GPR179: variants seen among roughly 807,000 people sequenced by gnomAD.
GPR179 encodes probable G protein-coupled receptor 179.
Under a neutral mutation model 70.8 loss-of-function variants are expected in GPR179, and 52 were observed. The ratio of observed to expected loss-of-function variants is 0.73; its 90% CI spans 0.59 to 0.93. The LOEUF (loss-of-function observed/expected upper bound fraction) is 0.93, where lower values mean the gene tolerates loss of function less well. GPR179 is among the 40% of genes least tolerant of loss of function. The pLI is 0.00. For synonymous variants in GPR179, 1,123 were observed against 1,169.0 expected, an observed-to-expected ratio of 0.96 and a Z score of 0.80; for missense variants, 2,734 against 2,966.8, an observed-to-expected ratio of 0.92 and a Z score of 1.82.
chr17:38,337,351 G>A, intron 3 of GPR179, 138 bp from the exon 4 acceptor site: 5 of 1,266,144 alleles, frequency 3.9e-6, no homozygotes, highest in Middle Eastern at 2.2e-4. Context: ...GGGAATGGGT[G>A]CTTCCTTGGG....
chr17:38,334,066 T>C lies in GPR179; in HGVS notation c.1785-28A>G, dbSNP rs745384391. ...GGGGCGGGATAGGGGCGCAGGTCAT[T>C]ACTGCAGGCAGGAGTTGCCTCTTCT... On this transcript the variant is annotated intron_variant, in intron 8 of 10. Coordinates refer to ENST00000616987, the MANE Select transcript of GPR179 (RefSeq NM_001004334.4). The surrounding 1 kb of genome is among the most constrained non-coding windows in gnomAD (Gnocchi z 4.7). The C allele has an allele frequency of 8.0e-6, 12 of 1,499,656 alleles. No individual in the cohort carries two copies. In the South Asian group the frequency reaches 1.4e-4, roughly 17 times the overall value. 92.9% of individuals were successfully genotyped at this position (1,499,656 alleles called of 1,614,324 possible).
At chr17:38,331,797 A>T (rs2037363175) in intron 10 of GPR179, among the ~76,000 whole-genome samples, 1 of 152,128 alleles carries the variant, frequency 6.6e-6, no homozygotes, top group African/African-American at 2.4e-5. Context: ...GTGGGAAGTT[A>T]GTAGCTTGGG....
Position 38,343,061 on chromosome 17 carries a change from A to C in GPR179, c.729T>G (p.Pro243=). ...FLECQEGRLR[P]GWLITLSATF... ...TGGCAGAGAGTGTGATCAGCCATCC[A>C]GGTCGGAGCCGTCCCTCCTGGCATT... The change falls in exon 1 of 11, where the codon CCT becomes CCG. Residue 243 remains proline, a synonymous_variant. Coordinates refer to ENST00000616987, the MANE Select transcript of GPR179 (RefSeq NM_001004334.4). This position sits in a 1 kb window ranked among gnomAD's most constrained non-coding sequence, Gnocchi z 4.2. The C allele has an allele frequency of 6.2e-7, 1 of 1,614,026 alleles. No homozygotes were observed. Among genetic ancestry groups the C allele is most frequent in the Non-Finnish European group, 8.5e-7 (1 of 1,179,920 alleles).
Position 38,334,099 on chromosome 17 carries a change from C to G in GPR179, c.1785-61G>C, listed in dbSNP as rs2037382932. ...GCAGGAGTTGCCTCTTCTGCTTTGC[C>G]TTCTCACTGGCGTTTCACCTCAGCC... On this transcript the variant is annotated intron_variant, in intron 8 of 10. Transcript: ENST00000616987. The surrounding 1 kb of genome is among the most constrained non-coding windows in gnomAD (Gnocchi z 4.7). 5.8e-6 allele frequency: 7 copies of G among 1,207,226 alleles called. No individual in the cohort carries two copies. In the South Asian group the frequency reaches 7.3e-5, roughly 13 times the overall value. 74.8% of individuals were successfully genotyped at this position (1,207,226 alleles called of 1,614,324 possible).
chr17:38,340,470 C>T (rs988314844), intron 1 of GPR179, among the ~76,000 whole-genome samples: 14 of 152,140 alleles, frequency 9.2e-5, no homozygotes, highest in Admixed American at 2.0e-4. Context: ...TTAGTGGAGA[C>T]GAGCTTTGGT....
Position 38,334,927 on chromosome 17 carries a change from C to G in GPR179, c.1646-85G>C. The G allele has an allele frequency of 6.3e-7, 1 of 1,595,692 alleles. No individual in the cohort carries two copies. Among genetic ancestry groups the G allele is most frequent in the Non-Finnish European group, 8.6e-7 (1 of 1,167,204 alleles). Reference sequence around the variant, plus strand: ...CTCTGAAAGATGTGCTGGGGGGAGCCTGGGCTCGGGGTCTGGGGACAAGTC... The same window carrying G: ...CTCTGAAAGATGTGCTGGGGGGAGCGTGGGCTCGGGGTCTGGGGACAAGTC... On this transcript the variant is annotated intron_variant, in intron 7 of 10. Coordinates refer to ENST00000616987, the MANE Select transcript of GPR179 (RefSeq NM_001004334.4). The surrounding 1 kb of genome is among the most constrained non-coding windows in gnomAD (Gnocchi z 4.7).
chr17:38,332,231 T>G (rs554212095), intron 10 of GPR179, among the ~76,000 whole-genome samples: 1 of 152,196 alleles, frequency 6.6e-6, no homozygotes, highest in South Asian at 2.1e-4. Flanking sequence ...GACTCTGCTT[T>G]GTGGGCCTGT....
At position 38,329,864 on chromosome 17, in the gene GPR179, G is replaced by A. The variant is rs765774186; in HGVS notation, c.3705C>T (p.Ser1235=). ...LPKAGLQSLG[S]ADHRVAEVCP... is the part of the protein sequence containing the mutation. The stretch of plus-strand genomic sequence containing the variant: ...ATACCTCTGCCACCCTGTGGTCAGC[G>A]CTGCCCAGGGACTGGAGGCCAGCTT... Residue 1235 remains serine, a synonymous_variant, in exon 11 of 11, where the codon AGC becomes AGT. Coordinates refer to ENST00000616987, the MANE Select transcript of GPR179 (RefSeq NM_001004334.4). 1.7e-5 allele frequency: 28 copies of A among 1,614,124 alleles called. No individual in the cohort carries two copies. In the South Asian group the frequency reaches 2.1e-4, roughly 12 times the overall value.
intron 2 of GPR179, 67 bp from the exon 3 acceptor site, chr17:38,337,787 G>C: frequency 2.2e-6 from 3 of 1,383,208 alleles, no homozygotes; most frequent in Non-Finnish European, 3.1e-6. Context: ...TCCCTCCTGG[G>C]AGAGATGGAG....
Position 38,343,359 on chromosome 17 carries a change from A to G in GPR179, c.431T>C (p.Val144Ala), listed in dbSNP as rs745542691. 2.1e-5 allele frequency: 34 copies of G among 1,613,786 alleles called. No homozygotes were observed. Among genetic ancestry groups the G allele is most frequent in the Non-Finnish European group, 2.9e-5 (34 of 1,179,954 alleles). Residue 144 changes from valine to alanine, a missense_variant, in exon 1 of 11, where the codon GTG (valine) becomes GCG (alanine). Val to Ala is a moderately conservative substitution (Grantham distance 64, BLOSUM62 0). Transcript: ENST00000616987. This position sits in a 1 kb window ranked among gnomAD's most constrained non-coding sequence, Gnocchi z 4.2. ...VRSVAEGDPR[V>A]YRALLTFNPP... ...GTTAAAGGTCAGCAAAGCCCTGTACACTCTTGGGTCCCCCTCGGCCACGCT... is the reference window on the plus strand; with the variant it reads ...GTTAAAGGTCAGCAAAGCCCTGTACGCTCTTGGGTCCCCCTCGGCCACGCT...
At chr17:38,335,749 G>T in intron 5 of GPR179, 49 bp from the exon 6 acceptor site, 1 of 1,246,282 alleles carries the variant, frequency 8.0e-7, no homozygotes, top group Non-Finnish European at 1.2e-6. Flanking sequence ...CTTCTGCTGT[G>T]GGCCAGGCCT....
chr17:38,327,706 G>T lies in GPR179; in HGVS notation c.5863C>A (p.Gln1955Lys). ...EDGEKTSHEL[Q>K]SVCPWETTAP... ...GTGGTCTCCCATGGACAGACGGATT[G>T]TAGCTCATGGCTTGTTTTTTCCCCA... Residue 1955 changes from glutamine to lysine, a missense_variant, in exon 11 of 11, where the codon CAA (glutamine) becomes AAA (lysine). By Grantham distance (53) the Gln-to-Lys change is moderately conservative. Transcript: ENST00000616987. 6.2e-7 allele frequency: 1 copy of T among 1,614,206 alleles called. No individual in the cohort carries two copies. The highest frequency in any genetic ancestry group is 1.3e-5 in the African/African-American group (1 of 75,062).
intron 1 of GPR179, 67 bp from the exon 2 acceptor site, chr17:38,339,592 G>A (rs187123950): frequency 5.3e-5 from 59 of 1,123,162 alleles, no homozygotes; most frequent in African/African-American, 3.0e-4. Context: ...GTCCCTGGGC[G>A]TTGTTGGGGC....
chr17:38,332,933 C>T (rs959104502), intron 10 of GPR179, among the ~76,000 whole-genome samples: 6 of 152,244 alleles, frequency 3.9e-5, no homozygotes, highest in South Asian at 2.1e-4. Context: ...AGACTGCCCC[C>T]GACCTGATGC....
In GPR179 at chr17:38,328,387, GA is replaced by G. The variant is rs748239056; in HGVS notation, c.5181del (p.Pro1728GlnfsTer52). 2.5e-6 allele frequency: 4 copies of G among 1,612,378 alleles called. No individual in the cohort carries two copies. The African/African-American group carries it at 5.4e-5, about 22-fold the overall frequency. Reference protein sequence around the residue: ...RALGAEAIRKSPNDTGKVSAD... With the variant: ...RALGAEAIRKXPNDTGKVSAD... ...GCAGAAACCTTGCCTGTATCATTTG[GA>G]GATTTCCTAATGGCCTCAGCTCCCA... On this transcript the variant is annotated frameshift_variant, in exon 11 of 11. Transcript: ENST00000616987. LOFTEE classifies it low-confidence loss of function (END_TRUNC).
rs1435805631 is a variant in GPR179 at position 38,339,416 on chromosome 17, C to T, written c.903+1G>A. 1.2e-6 allele frequency: 2 copies of T among 1,603,486 alleles called. No homozygotes were observed. Among genetic ancestry groups the T allele is most frequent in the Non-Finnish European group, 1.7e-6 (2 of 1,170,580 alleles). ...GCGCCCCCCATCCTCCTCATCCTTA[C>T]CTGGGTGCTGTTGAGATCACACAGG... On this transcript the variant is annotated splice_donor_variant, in intron 2 of 10. Coordinates refer to ENST00000616987, the MANE Select transcript of GPR179 (RefSeq NM_001004334.4). LOFTEE classifies it high-confidence loss of function.
chr17:38,343,425 C>T lies in GPR179; in HGVS notation c.365G>A (p.Ser122Asn), dbSNP rs1168171113. The T allele has an allele frequency of 6.2e-7, 1 of 1,614,198 alleles. No individual in the cohort carries two copies. Among genetic ancestry groups the T allele is most frequent in the East Asian group, 2.2e-5 (1 of 44,872 alleles). The change falls in exon 1 of 11, where the codon AGT (serine) becomes AAT (asparagine). Residue 122 changes from serine to asparagine, a missense_variant. Ser to Asn is a conservative substitution (Grantham distance 46). Coordinates refer to ENST00000616987, the MANE Select transcript of GPR179 (RefSeq NM_001004334.4). The surrounding 1 kb of genome is among the most constrained non-coding windows in gnomAD (Gnocchi z 4.2). ...LLQANDIRESSVEEDVEWYQA... is the reference protein window; with the variant it reads ...LLQANDIRESNVEEDVEWYQA... ...GTACCATTCCACATCCTCCTCCACA[C>T]TGGACTCACGGATGTCGTTGGCTTG...
At chr17:38,339,672 G>A (rs1455325671) in intron 1 of GPR179, 147 bp from the exon 2 acceptor site, 8 of 609,194 alleles carry the variant, frequency 1.3e-5, no homozygotes, top group Non-Finnish European at 2.1e-5. Flanking sequence ...AGATTAGAAG[G>A]GTTCAGAAGT....
Position 38,333,370 on chromosome 17 carries a change from C to A in GPR179, c.1918G>T (p.Glu640Ter). The change falls in exon 10 of 11, where the codon GAG (glutamate) becomes TAG (stop). Residue 640 changes from glutamate to a stop codon, truncating the protein, a stop_gained. Coordinates refer to ENST00000616987, the MANE Select transcript of GPR179 (RefSeq NM_001004334.4). LOFTEE classifies it high-confidence loss of function. ...KFWKLGAPPR[E>*]EMVDEVCEDE... The stretch of plus-strand genomic sequence containing the variant: ...TCACACACCTCATCCACCATCTCCT[C>A]CCGGGGAGGAGCCCCCAGCTTCCAG... 6.2e-7 allele frequency: 1 copy of A among 1,614,028 alleles called. No homozygotes were observed. Among genetic ancestry groups the A allele is most frequent in the Non-Finnish European group, 8.5e-7 (1 of 1,179,988 alleles).
Sources: allele counts gnomAD v4.1 joint callset (sites outside exome capture counted in the v4.1 genomes callset), GRCh38; gene constraint gnomAD v4.1.1; non-coding constraint Gnocchi (gnomAD v3.1); transcripts MANE v1.5; gene names NCBI Gene and HGNC (gene_info 2026-07-23, HGNC 2026-07-21).